TMEM232: variants seen among roughly 807,000 people sequenced by gnomAD.
TMEM232 encodes transmembrane protein 232.
TMEM232 carries 80 observed loss-of-function variants against 78.8 expected under a neutral mutation model. That is an observed-to-expected ratio of 1.01 (90% CI 0.85 to 1.22). The LOEUF is 1.22. TMEM232 is among the 50% of genes most tolerant of loss of function. The pLI, the probability that TMEM232 is intolerant of heterozygous loss-of-function variation, is 0.00. For missense variants in TMEM232, 881 were observed against 742.2 expected (o/e 1.19, Z -2.17); for synonymous variants, 297 against 254.3 (o/e 1.17, Z -1.60).
intron 10 of TMEM232, among the ~76,000 whole-genome samples, chr5:110,590,215 C>T (rs1229672153): frequency 6.6e-6 from 1 of 152,116 alleles, no homozygotes; most frequent in Non-Finnish European, 1.5e-5. Flanking sequence ...CTGTGAAAAG[C>T]TTGTCTCACA....
intron 12 of TMEM232, among the ~76,000 whole-genome samples, chr5:110,432,912 G>A (rs1014666863): frequency 1.3e-5 from 2 of 151,602 alleles, no homozygotes; most frequent in African/African-American, 4.8e-5. Flanking sequence ...ATGATAAAGG[G>A]TTCAATTCAA....
At chr5:110,603,729 G>C (rs187317648) in intron 10 of TMEM232, among the ~76,000 whole-genome samples, 1 of 152,074 alleles carries the variant, frequency 6.6e-6, no homozygotes, top group African/African-American at 2.4e-5. Context: ...ATAAAGATCT[G>C]TTTAAAATTG....
chr5:110,689,312 T>C (rs956456802), intron 1 of TMEM232, among the ~76,000 whole-genome samples: 12 of 152,206 alleles, frequency 7.9e-5, no homozygotes, highest in Non-Finnish European at 1.5e-4. Context: ...AGAAATACTA[T>C]TTATTGCATA....
At chr5:110,551,332 T>C (rs1774431560) in intron 11 of TMEM232, among the ~76,000 whole-genome samples, 1 of 152,190 alleles carries the variant, frequency 6.6e-6, no homozygotes, top group Non-Finnish European at 1.5e-5. Flanking sequence ...CAAGCAATTC[T>C]CTTGCCTCAG....
intron 11 of TMEM232, among the ~76,000 whole-genome samples, chr5:110,552,476 T>G (rs1774590874): frequency 6.6e-6 from 1 of 152,074 alleles, no homozygotes; most frequent in Non-Finnish European, 1.5e-5. Context: ...GTTAAAAATA[T>G]CATGCTTAAA....
chr5:110,417,640 T>C (rs12656130), downstream of TMEM232: 1 of 109,514 alleles, frequency 9.1e-6, no homozygotes, highest in Admixed American at 9.4e-5. Flanking sequence ...TTTTTTTTTG[T>C]CCGGGGTAAA....
chr5:110,392,661 A>C (rs1171080192), intron 3 of TMEM232, among the ~76,000 whole-genome samples: 2 of 152,182 alleles, frequency 1.3e-5, no homozygotes, highest in East Asian at 3.9e-4. Flanking sequence ...AAGGATATTA[A>C]TGACATCATG....
At chr5:110,587,544 C>G (rs1414268373) in intron 10 of TMEM232, among the ~76,000 whole-genome samples, 3 of 151,602 alleles carry the variant, frequency 2.0e-5, no homozygotes, top group Non-Finnish European at 4.4e-5. Flanking sequence ...TAGTTGCCAA[C>G]ACACCAGCCA....
chr5:110,455,300 GC>G (rs1462864505), intron 12 of TMEM232, among the ~76,000 whole-genome samples: 1 of 151,922 alleles, frequency 6.6e-6, no homozygotes, highest in African/African-American at 2.4e-5. Context: ...GGCCAGTGCT[GC>G]CCTGATATTA....
chr5:110,541,330 T>C (rs1042462863), intron 11 of TMEM232, among the ~76,000 whole-genome samples: 39 of 152,150 alleles, frequency 2.6e-4, no homozygotes, highest in South Asian at 2.5e-3. Context: ...CAGGGGAATA[T>C]TGGAAATTAG....
chr5:110,483,491 T>C (rs2149400887), intron 12 of TMEM232, among the ~76,000 whole-genome samples: 1 of 151,886 alleles, frequency 6.6e-6, no homozygotes, highest in East Asian at 1.9e-4. Context: ...CAGCAAACTA[T>C]CACAAGGACA....
intron 2 of TMEM232, among the ~76,000 whole-genome samples, chr5:110,665,830 C>T (rs964146082): frequency 6.8e-6 from 1 of 147,338 alleles, no homozygotes; most frequent in African/African-American, 2.5e-5. Flanking sequence ...AAAGGAGTGC[C>T]GATCACTTGA....
chr5:110,667,093 G>A, intron 2 of TMEM232, 135 bp downstream of exon 2: 3 of 652,142 alleles, frequency 4.6e-6, no homozygotes, highest in Non-Finnish European at 7.4e-6. Context: ...AATAAACAAG[G>A]CTATTAAACA....
chr5:110,399,527 A>G (rs2112567144), intron 2 of TMEM232, among the ~76,000 whole-genome samples: 1 of 152,254 alleles, frequency 6.6e-6, no homozygotes, highest in East Asian at 1.9e-4. Context: ...TCCTCTCACA[A>G]TAACTGCTTT....
chr5:110,458,831 G>A (rs948780433), intron 12 of TMEM232, among the ~76,000 whole-genome samples: 1 of 152,152 alleles, frequency 6.6e-6, no homozygotes, highest in Non-Finnish European at 1.5e-5. Flanking sequence ...TATTGTTTTT[G>A]CTTGGTTGGA....
rs1218598103 is a variant in TMEM232, at chr5:110,536,285, C to CT, written c.1456-7451dup. ...CTAGTAAGGGAACTGAGCCCTTTGC[C>CT]TTTTTTTTCTTTTTCAGTATTTCAG... On this transcript the variant is annotated intron_variant, in intron 11 of 13. Coordinates refer to ENST00000455884, the MANE Select transcript of TMEM232 (RefSeq NM_001039763.4). Among the ~76,000 whole-genome samples the CT allele has an allele frequency of 5.3e-5, 8 of 152,150 alleles. No individual in the cohort carries two copies. In the South Asian group the frequency reaches 8.3e-4, roughly 16 times the overall value.
At chr5:110,419,232 T>G (rs900432644), downstream of TMEM232, among the ~76,000 whole-genome samples, 4 of 152,046 alleles carry the variant, frequency 2.6e-5, no homozygotes, top group Non-Finnish European at 4.4e-5. Context: ...GAAAGGTATA[T>G]TGGGAGATAT....
At chr5:110,646,525 T>A (rs1349414726) in intron 2 of TMEM232, among the ~76,000 whole-genome samples, 1 of 151,800 alleles carries the variant, frequency 6.6e-6, no homozygotes, top group Non-Finnish European at 1.5e-5. Context: ...TAGACCCTTA[T>A]CCCACACCAT....
intron 12 of TMEM232, among the ~76,000 whole-genome samples, chr5:110,508,231 G>A (rs1767182000): frequency 1.3e-5 from 2 of 152,042 alleles, no homozygotes; most frequent in Non-Finnish European, 2.9e-5. Flanking sequence ...TGGATGCTTA[G>A]CAATTACTGA....
Sources: gnomAD v4.1 joint callset for allele counts (sites outside exome capture counted in the v4.1 genomes callset) on GRCh38, gnomAD v4.1.1 for gene constraint, MANE v1.5 for transcripts, NCBI Gene and HGNC (gene_info 2026-07-23, HGNC 2026-07-21) for gene names.